The following ADAMTSL1 variants were observed in gnomAD, a reference collection of about 807,000 sequenced individuals.
ADAMTSL1 encodes ADAMTS-like protein 1.
In ADAMTSL1, 126 loss-of-function variants were observed where a neutral mutation model predicts 201.8. The ratio of observed to expected loss-of-function variants is 0.62; its 90% CI spans 0.54 to 0.72. The LOEUF is 0.72. Ranked by LOEUF, ADAMTSL1 falls within the 30% of genes least tolerant of loss-of-function variation. The probability of loss-of-function intolerance (pLI) is 0.00; values close to 1 mark genes in which losing one functional copy is unlikely to be tolerated. For synonymous variants in ADAMTSL1, 1,121 were observed against 903.4 expected, an observed-to-expected ratio of 1.24 and a Z score of -4.32; for missense variants, 2,679 against 2,277.8, an observed-to-expected ratio of 1.18 and a Z score of -3.59.
At chr9:18,178,268 C>G (rs1025644346) in intron 2 of ADAMTSL1, among the ~76,000 whole-genome samples, 6 of 150,760 alleles carry the variant, frequency 4.0e-5, no homozygotes, top group African/African-American at 1.5e-4. Flanking sequence ...GGGTGACAGA[C>G]GGCACCTGGA....
intron 23 of ADAMTSL1, among the ~76,000 whole-genome samples, chr9:18,841,798 C>T (rs985850783): frequency 6.6e-6 from 1 of 152,204 alleles, no homozygotes; most frequent in African/African-American, 2.4e-5. Context: ...TTATCCATTT[C>T]TTCTAGATTT....
At chr9:18,468,490 T>C (rs1490432225) in intron 2 of ADAMTSL1, among the ~76,000 whole-genome samples, 1 of 152,138 alleles carries the variant, frequency 6.6e-6, no homozygotes, top group Non-Finnish European at 1.5e-5. Flanking sequence ...TATTATCTCC[T>C]ACTTGTATCA....
chr9:18,460,755 G>A (rs529738255), intron 2 of ADAMTSL1, among the ~76,000 whole-genome samples: 3 of 152,236 alleles, frequency 2.0e-5, no homozygotes, highest in African/African-American at 4.8e-5. Flanking sequence ...AAGCCTCCAA[G>A]ACAACACTTT....
At chr9:18,006,251 C>A (rs768529880) in intron 1 of ADAMTSL1, among the ~76,000 whole-genome samples, 6 of 151,966 alleles carry the variant, frequency 3.9e-5, no homozygotes, top group Non-Finnish European at 7.4e-5. Context: ...ACTTCAACAG[C>A]ATAGAAACAT....
intron 2 of ADAMTSL1, among the ~76,000 whole-genome samples, chr9:18,513,299 T>A (rs1010006474): frequency 1.3e-5 from 2 of 152,204 alleles, no homozygotes; most frequent in East Asian, 3.8e-4. Flanking sequence ...GAATGGCAAG[T>A]ACTATTTCTC....
At chr9:18,359,702 A>G (rs558650903) in intron 2 of ADAMTSL1, among the ~76,000 whole-genome samples, 1 of 152,172 alleles carries the variant, frequency 6.6e-6, no homozygotes, top group African/African-American at 2.4e-5. Flanking sequence ...CATTTTGATC[A>G]TGTAAGATAT....
intron 2 of ADAMTSL1, among the ~76,000 whole-genome samples, chr9:18,284,279 A>G (rs987616600): frequency 2.0e-5 from 3 of 152,196 alleles, no homozygotes; most frequent in African/African-American, 4.8e-5. Context: ...TAGATAAAAA[A>G]TAGATGATGA....
At position 18,864,505 on chromosome 9, in the gene ADAMTSL1, T is replaced by C. The variant is rs563363682; in HGVS notation, c.4250-23326T>C. On this transcript the variant is annotated intron_variant, in intron 23 of 28. Coordinates refer to ENST00000380548, the MANE Select transcript of ADAMTSL1 (RefSeq NM_001040272.6). ...CTTTGAATCAACAAAAAATCCACTA[T>C]ATAATGACCCTTGTATTGTGAATTC... 7.2e-5 allele frequency among the ~76,000 whole-genome samples: 11 copies of C among 152,296 alleles called. No homozygotes were observed. The South Asian group carries it at 1.7e-3, about 23-fold the overall frequency.
At chr9:18,538,947 A>G (rs978015421) in intron 3 of ADAMTSL1, among the ~76,000 whole-genome samples, 4 of 152,064 alleles carry the variant, frequency 2.6e-5, no homozygotes, top group Non-Finnish European at 5.9e-5. Context: ...CCAGAGAAAT[A>G]CCCCTGAAGT....
intron 4 of ADAMTSL1, among the ~76,000 whole-genome samples, chr9:18,619,655 G>A (rs996683072): frequency 9.2e-5 from 14 of 152,092 alleles, no homozygotes; most frequent in Non-Finnish European, 1.8e-4. Flanking sequence ...TTTTGGAACC[G>A]TAAGAAATCT....
chr9:18,759,903 G>T (rs1357004646), intron 16 of ADAMTSL1, among the ~76,000 whole-genome samples: 1 of 152,164 alleles, frequency 6.6e-6, no homozygotes, highest in African/African-American at 2.4e-5. Flanking sequence ...ATTATGTTTA[G>T]TAAGTGAGAT....
chr9:17,997,733 C>T (rs1819441502), intron 1 of ADAMTSL1, among the ~76,000 whole-genome samples: 1 of 151,990 alleles, frequency 6.6e-6, no homozygotes, highest in Non-Finnish European at 1.5e-5. Flanking sequence ...TTGAAGATCA[C>T]ACATGTAATG....
intron 2 of ADAMTSL1, among the ~76,000 whole-genome samples, chr9:18,438,464 C>A (rs1435117568): frequency 6.6e-6 from 1 of 152,024 alleles, no homozygotes; most frequent in Non-Finnish European, 1.5e-5. Context: ...CCTCGGGTGG[C>A]CAGGGATGTT....
At chr9:18,214,012 C>G (rs1238104473) in intron 2 of ADAMTSL1, among the ~76,000 whole-genome samples, 2 of 152,298 alleles carry the variant, frequency 1.3e-5, no homozygotes, top group South Asian at 2.1e-4. Context: ...GCTGGGATTA[C>G]AGGCATGAGC....
At chr9:18,085,595 C>T (rs568942156) in intron 1 of ADAMTSL1, among the ~76,000 whole-genome samples, 7 of 137,634 alleles carry the variant, frequency 5.1e-5, no homozygotes, top group African/African-American at 1.4e-4. Flanking sequence ...TGTGTGTATA[C>T]GTATATACAC....
At chr9:18,608,142 GT>G (rs1308070546) in intron 4 of ADAMTSL1, among the ~76,000 whole-genome samples, 3 of 152,188 alleles carry the variant, frequency 2.0e-5, no homozygotes, top group African/African-American at 4.8e-5. Context: ...AAGCAGTAAG[GT>G]TAGGGTACAG....
At chr9:18,373,799 G>A (rs73431002) in intron 2 of ADAMTSL1, among the ~76,000 whole-genome samples, 4,727 of 152,190 alleles carry the variant, frequency 0.031, 117 homozygotes, top group African/African-American at 0.07. Context: ...GGTCTTTCCT[G>A]CTACCCATAG....
At chr9:18,443,155 T>C (rs868719663) in intron 2 of ADAMTSL1, among the ~76,000 whole-genome samples, 2 of 152,224 alleles carry the variant, frequency 1.3e-5, no homozygotes, top group Admixed American at 1.3e-4. Context: ...ATGTATTTTA[T>C]AGGGATAAGG....
At chr9:18,245,786 A>G (rs1028288362) in intron 2 of ADAMTSL1, among the ~76,000 whole-genome samples, 1 of 152,018 alleles carries the variant, frequency 6.6e-6, no homozygotes, top group African/African-American at 2.4e-5. Context: ...ATGCATCTTG[A>G]GTAGCAACAC....
Sources: allele counts gnomAD v4.1 joint callset (sites outside exome capture counted in the v4.1 genomes callset), GRCh38; gene constraint gnomAD v4.1.1; transcripts MANE v1.5; gene names NCBI Gene and HGNC (gene_info 2026-07-23, HGNC 2026-07-21).